The following CALCRL variants were observed in gnomAD, a reference collection of about 807,000 sequenced individuals.
CALCRL encodes the protein calcitonin receptor like receptor.
Under a neutral mutation model 60.4 loss-of-function variants are expected in CALCRL, and 27 were observed. The ratio of observed to expected loss-of-function variants is 0.45; its 90% CI spans 0.33 to 0.62. The LOEUF is 0.62. CALCRL is among the 20% of genes least tolerant of loss of function. The probability of loss-of-function intolerance (pLI) is 0.03; values close to 1 mark genes in which losing one functional copy is unlikely to be tolerated. For synonymous variants in CALCRL, 190 were observed against 182.6 expected (o/e 1.04, Z -0.33); for missense variants, 424 against 540.7 (o/e 0.78, Z 2.14).
intron 1 of CALCRL, among the ~76,000 whole-genome samples, chr2:187,442,335 A>G (rs1335178935): frequency 1.3e-5 from 2 of 151,090 alleles, no homozygotes; most frequent in African/African-American, 4.8e-5. Flanking sequence ...AACTCATGCA[A>G]CTGTAAGCAA....
chr2:187,369,862 A>G (rs1243279015), intron 8 of CALCRL, among the ~76,000 whole-genome samples: 1 of 152,156 alleles, frequency 6.6e-6, no homozygotes. Context: ...AAGTATTCCA[A>G]ATGGGGAAGA....
intron 1 of CALCRL, among the ~76,000 whole-genome samples, chr2:187,438,311 G>T (rs986427724): frequency 1.3e-5 from 2 of 152,060 alleles, no homozygotes; most frequent in African/African-American, 4.8e-5. Flanking sequence ...TGTAAGTTTA[G>T]AAAACTTCCA....
intron 12 of CALCRL, among the ~76,000 whole-genome samples, chr2:187,355,270 A>G (rs1051024046): frequency 6.6e-6 from 1 of 152,102 alleles, no homozygotes; most frequent in African/African-American, 2.4e-5. Flanking sequence ...GCCAGGATTC[A>G]GTGCTGACTC....
At chr2:187,381,858 G>T (rs569147821) in intron 5 of CALCRL, among the ~76,000 whole-genome samples, 3 of 152,216 alleles carry the variant, frequency 2.0e-5, no homozygotes, top group African/African-American at 7.2e-5. Flanking sequence ...CATTTATCTA[G>T]CCCTCATGAA....
chr2:187,408,921 A>G (rs1689244931), intron 1 of CALCRL, among the ~76,000 whole-genome samples: 1 of 152,174 alleles, frequency 6.6e-6, no homozygotes, highest in Non-Finnish European at 1.5e-5. Context: ...ATAGAAATAT[A>G]GAACTTGCTT....
intron 8 of CALCRL, among the ~76,000 whole-genome samples, chr2:187,369,919 G>A (rs547142763): frequency 6.6e-6 from 1 of 152,260 alleles, no homozygotes; most frequent in South Asian, 2.1e-4. Context: ...TGAGGGGCAA[G>A]AACAGGCCAT....
At chr2:187,393,627 T>A (rs1688540278) in intron 1 of CALCRL, among the ~76,000 whole-genome samples, 1 of 152,114 alleles carries the variant, frequency 6.6e-6, no homozygotes, top group African/African-American at 2.4e-5. Flanking sequence ...AACAAAGTGA[T>A]CACATAAAGA....
chr2:187,391,688 T>C (rs1315074172), intron 1 of CALCRL, among the ~76,000 whole-genome samples: 2 of 152,212 alleles, frequency 1.3e-5, no homozygotes, highest in East Asian at 3.9e-4. Context: ...ATAATTTTCT[T>C]TACTATGCAA....
At chr2:187,405,963 GT>G (rs1559065079) in intron 1 of CALCRL, among the ~76,000 whole-genome samples, 21 of 3,452 alleles carry the variant, frequency 6.1e-3, no homozygotes, top group Non-Finnish European at 9.2e-3. Context: ...ATGTAGGGGT[GT>G]GTGTGTGTGT....
chr2:187,444,895 G>A (rs1691100807), intron 1 of CALCRL, among the ~76,000 whole-genome samples: 1 of 151,500 alleles, frequency 6.6e-6, no homozygotes, highest in Non-Finnish European at 1.5e-5. Flanking sequence ...GAAAAGGATA[G>A]ATCCATCTGG....
At chr2:187,372,167 T>A (rs1687555945) in intron 8 of CALCRL, among the ~76,000 whole-genome samples, 1 of 152,090 alleles carries the variant, frequency 6.6e-6, no homozygotes, top group Non-Finnish European at 1.5e-5. Flanking sequence ...CATTTTCTTT[T>A]TTTTTTTCCC....
chr2:187,389,069 C>T lies in CALCRL; in HGVS notation c.-292-1313G>A, dbSNP rs1199863235. On this transcript the variant is annotated intron_variant, in intron 1 of 14. Coordinates refer to ENST00000392370, the MANE Select transcript of CALCRL (RefSeq NM_005795.6). The stretch of plus-strand genomic sequence containing the variant: ...ATACTTTTCTCTATTACTTCTTCTT[C>T]TTTTTTTTTTTTTTTGAGAAAGAGT... 4.3e-5 allele frequency among the ~76,000 whole-genome samples: 6 copies of T among 140,152 alleles called. No individual in the cohort carries two copies. In the East Asian group the frequency reaches 1.0e-3, roughly 24 times the overall value. 91.9% of individuals were successfully genotyped at this position (140,152 alleles called of 152,430 possible).
intron 1 of CALCRL, among the ~76,000 whole-genome samples, chr2:187,418,536 T>C (rs1408014951): frequency 1.3e-5 from 2 of 152,176 alleles, no homozygotes; most frequent in African/African-American, 4.8e-5. Flanking sequence ...AATATCGACT[T>C]CTATTGTTAT....
At chr2:187,429,328 G>A (rs61419668) in intron 1 of CALCRL, among the ~76,000 whole-genome samples, 3,525 of 152,160 alleles carry the variant, frequency 0.023, 139 homozygotes, top group African/African-American at 0.08. Flanking sequence ...ACTTCAGATG[G>A]TATTTTATTT....
chr2:187,357,544 A>G (rs1179686477), intron 12 of CALCRL, among the ~76,000 whole-genome samples: 3 of 149,822 alleles, frequency 2.0e-5, no homozygotes, highest in African/African-American at 2.5e-5. Context: ...GGAGAAATAC[A>G]TAATGCATGT....
At chr2:187,348,001 A>G (rs924774363) in intron 14 of CALCRL, among the ~76,000 whole-genome samples, 3 of 151,746 alleles carry the variant, frequency 2.0e-5, no homozygotes, top group Non-Finnish European at 4.4e-5. Flanking sequence ...AATTTAAAAA[A>G]TATATGGTAA....
chr2:187,414,697 A>C (rs1689521150), intron 1 of CALCRL, among the ~76,000 whole-genome samples: 1 of 152,246 alleles, frequency 6.6e-6, no homozygotes, highest in African/African-American at 2.4e-5. Flanking sequence ...AGAAAAACTT[A>C]TGGAAATACT....
At chr2:187,423,075 A>G (rs1689953992) in intron 1 of CALCRL, among the ~76,000 whole-genome samples, 1 of 152,054 alleles carries the variant, frequency 6.6e-6, no homozygotes, top group Admixed American at 6.6e-5. Context: ...AGAGAAATAA[A>G]TAGCTCTTCC....
At chr2:187,410,563 A>G (rs1689314853) in intron 1 of CALCRL, among the ~76,000 whole-genome samples, 1 of 152,200 alleles carries the variant, frequency 6.6e-6, no homozygotes, top group Non-Finnish European at 1.5e-5. Context: ...GGTTTTGTAG[A>G]AAGAACAGAA....
Sources: allele counts gnomAD v4.1 joint callset (sites outside exome capture counted in the v4.1 genomes callset), GRCh38; gene constraint gnomAD v4.1.1; transcripts MANE v1.5; gene names NCBI Gene and HGNC (gene_info 2026-07-23, HGNC 2026-07-21).